The following IPO9 variants were observed in gnomAD, a reference collection of about 807,000 sequenced individuals.
IPO9 encodes the protein importin 9, also known as importin-9.
IPO9 carries 28 observed loss-of-function variants against 128.6 expected under a neutral mutation model. The ratio of observed to expected loss-of-function variants is 0.22; its 90% CI spans 0.16 to 0.30. The LOEUF is 0.30. IPO9 is among the 10% of genes least tolerant of loss of function. The pLI, the probability that IPO9 is intolerant of heterozygous loss-of-function variation, is 1.00. For synonymous variants in IPO9, 455 were observed against 475.8 expected (o/e 0.96, Z 0.57); for missense variants, 935 against 1,293.9 (o/e 0.72, Z 4.26).
intron 16 of IPO9, 35 bp from the exon 17 acceptor site, chr1:201,869,555 G>A: frequency 1.2e-6 from 2 of 1,610,998 alleles, no homozygotes; most frequent in Non-Finnish European, 1.7e-6. Flanking sequence ...CACCCCAGAG[G>A]CAATTCTGAC....
At chr1:201,874,439 T>C (rs1385829356) in intron 21 of IPO9, 67 bp downstream of exon 21, 3 of 1,550,850 alleles carry the variant, frequency 1.9e-6, no homozygotes, top group Non-Finnish European at 2.6e-6. Context: ...TGTCAAATTA[T>C]CAACTTGGTT....
intron 11 of IPO9, 148 bp downstream of exon 11, chr1:201,857,342 T>C: frequency 1.6e-6 from 1 of 614,656 alleles, no homozygotes; most frequent in Non-Finnish European, 2.9e-6. Context: ...GTTTCTGAAA[T>C]GAAATTCGAG....
In IPO9 at chr1:201,870,711, C is replaced by T. The variant is rs370527102; in HGVS notation, c.2262C>T (p.Arg754=). Residue 754 remains arginine (R), a synonymous_variant, in exon 18 of 24, where the codon CGC becomes CGT. Transcript: ENST00000361565. The surrounding 1 kb of genome is among the most constrained non-coding windows in gnomAD (Gnocchi z 4.9). ...MQVVSQLLDP[R]TSEFTAAFVG... ...TGGTGAGCCAGCTCCTGGACCCCCG[C>T]ACCTCAGAGTTCACTGCGGCCTTTG... 5 of 1,614,244 alleles carry T rather than the reference C, an allele frequency of 3.1e-6. No homozygotes were observed. Among genetic ancestry groups the T allele is most frequent in the South Asian group, 2.2e-5 (2 of 91,090 alleles).
intron 14 of IPO9, among the ~76,000 whole-genome samples, chr1:201,863,950 G>T (rs1258175185): frequency 6.6e-6 from 1 of 152,226 alleles, no homozygotes; most frequent in Non-Finnish European, 1.5e-5. Context: ...CAGGATTAGA[G>T]TCCACATCAT....
rs1275079280 is a variant in IPO9 at position 201,882,454 on chromosome 1, AAAAAC to A, written c.*6403_*6407del. ...CTCAAAAAAAAAAAAAAACAAAAAAAAAAACAAGTTTTGTGAATTTAAGTTTCCCT... is the reference window on the plus strand; with the variant it reads ...CTCAAAAAAAAAAAAAAACAAAAAAAAAGTTTTGTGAATTTAAGTTTCCCT... On this transcript the variant is annotated 3_prime_UTR_variant, in exon 24 of 24. Transcript: ENST00000361565. 2.0e-5 allele frequency: 3 copies of A among 150,394 alleles called. No individual in the cohort carries two copies. The highest frequency in any genetic ancestry group is 7.5e-5 in the African/African-American group (3 of 39,974). 9.3% of individuals were successfully genotyped at this position (150,394 alleles called of 1,614,324 possible).
intron 1 of IPO9, among the ~76,000 whole-genome samples, chr1:201,839,655 C>T (rs1680001128): frequency 6.7e-6 from 1 of 150,278 alleles, no homozygotes; most frequent in Admixed American, 6.6e-5. Flanking sequence ...AAAATAAACT[C>T]TAAAATGATT....
rs770997912 is a variant in IPO9 at position 201,855,791 on chromosome 1, C to T, written c.979C>T (p.Leu327=). Residue 327 remains leucine, a synonymous_variant, in exon 10 of 24, where the codon CTG becomes TTG. Transcript: ENST00000361565. ...EDPVDSDGEV[L]GFENLVFSIF... is the part of the protein sequence containing the mutation. ...TTCTGTATTTCCTGCAGGTGAAGTC[C>T]TGGGCTTTGAAAATCTCGTCTTTAG... 2.5e-6 allele frequency: 4 copies of T among 1,609,908 alleles called. No homozygotes were observed. The highest frequency in any genetic ancestry group is 2.2e-5 in the East Asian group (1 of 44,812).
rs1373607113 is a variant in IPO9, at chr1:201,883,473, A to G, written c.*7419A>G. On this transcript the variant is annotated 3_prime_UTR_variant, in exon 24 of 24. Transcript: ENST00000361565. ...TGGAGATGATAGAACTTCCTAGGGAAAAGGCTGCATGGAGTCCCCAGGGAT... is the reference window on the plus strand; with the variant it reads ...TGGAGATGATAGAACTTCCTAGGGAGAAGGCTGCATGGAGTCCCCAGGGAT... 1.3e-5 allele frequency: 2 copies of G among 152,214 alleles called. No individual in the cohort carries two copies. The highest frequency in any genetic ancestry group is 4.8e-5 in the African/African-American group (2 of 41,444). The allele number at this position is 152,214 out of a possible 1,614,324, so 9.4% of individuals were successfully genotyped here.
chr1:201,854,645 C>A lies in IPO9; in HGVS notation c.741C>A (p.Ala247=). The part of the protein sequence containing the change: ...IFPVVQQFTE[A]FVQALQIPDG... ...CCGTGGTACAGCAGTTCACAGAGGC[C>A]TTTGTTCAGGCCCTCCAGATACCAG... is the stretch of plus-strand genomic sequence containing the variant. Residue 247 remains alanine, a synonymous_variant, in exon 7 of 24, where the codon GCC becomes GCA. Transcript: ENST00000361565. 6.2e-7 allele frequency: 1 copy of A among 1,614,172 alleles called. No homozygotes were observed. Among genetic ancestry groups the A allele is most frequent in the South Asian group, 1.1e-5 (1 of 91,088 alleles).
chr1:201,852,546 C>A (rs1474912001), intron 5 of IPO9, among the ~76,000 whole-genome samples: 1 of 152,138 alleles, frequency 6.6e-6, no homozygotes, highest in Non-Finnish European at 1.5e-5. Context: ...TCTATCACTG[C>A]ATTGCACATA....
At chr1:201,834,896 C>T (rs1001363220) in intron 1 of IPO9, 2 of 152,366 alleles carry the variant, frequency 1.3e-5, no homozygotes, top group Non-Finnish European at 2.9e-5. Context: ...AGAGATGATC[C>T]TGCTGGCTGG....
At position 201,850,142 on chromosome 1, in the gene IPO9, G is replaced by C. The variant is rs578052285; in HGVS notation, c.514+1548G>C. Among the ~76,000 whole-genome samples, 11 of 152,324 alleles carry C rather than the reference G, an allele frequency of 7.2e-5. No homozygotes were observed. In the South Asian group the frequency reaches 2.3e-3, roughly 32 times the overall value. On this transcript the variant is annotated intron_variant, in intron 4 of 23. Transcript: ENST00000361565. ...GACTAAGGAAATTACTGTTCAGTGA[G>C]ATCACTTTTCTGCCAGCCACAGGGA...
In IPO9 at chr1:201,854,939, A is replaced by G. The variant is rs1206906483; in HGVS notation, c.911+16A>G. 3 of 1,567,988 alleles carry G rather than the reference A, an allele frequency of 1.9e-6. No homozygotes were observed. Among genetic ancestry groups the G allele is most frequent in the Non-Finnish European group, 2.6e-6 (3 of 1,158,048 alleles). On this transcript the variant is annotated intron_variant, in intron 8 of 23. Coordinates refer to ENST00000361565, the MANE Select transcript of IPO9 (RefSeq NM_018085.5). ...GTGCAGCTTTATATCCTTTCTTGAA[A>G]GTTTAAGGGAGCTACTACCACCTAT...
At chr1:201,839,560 CAA>C (rs4025036) in intron 1 of IPO9, among the ~76,000 whole-genome samples, 792 of 33,772 alleles carry the variant, frequency 0.023, 2 homozygotes, top group Non-Finnish European at 0.037. Flanking sequence ...GACTCCATCT[CAA>C]AAAAAAAAAA....
chr1:201,854,521 C>G (rs1680292372), intron 6 of IPO9, 74 bp from the exon 7 acceptor site: 5 of 1,556,584 alleles, frequency 3.2e-6, no homozygotes, highest in Non-Finnish European at 4.4e-6. Context: ...TTTCAAATAT[C>G]AGTGTTTGAT....
At position 201,852,159 on chromosome 1, in the gene IPO9, C is replaced by T. The variant is rs780473166; in HGVS notation, c.570C>T (p.Leu190=). 2.5e-6 allele frequency: 4 copies of T among 1,612,608 alleles called. No individual in the cohort carries two copies. In the South Asian group the frequency reaches 4.4e-5, roughly 18 times the overall value. Residue 190 remains leucine (L), a synonymous_variant, in exon 5 of 24, where the codon CTC becomes CTT. Transcript: ENST00000361565. ...TQMPLVAPVI[L]PEMYKIFTMA... is the part of the protein sequence containing the mutation. The stretch of plus-strand genomic sequence containing the variant: ...TGCCACTTGTTGCTCCTGTCATTCT[C>T]CCAGAGATGTATAAGATCTTCACCA...
At chr1:201,846,916 A>G (rs566121523) in intron 1 of IPO9, among the ~76,000 whole-genome samples, 1 of 151,980 alleles carries the variant, frequency 6.6e-6, no homozygotes, top group East Asian at 1.9e-4. Context: ...TGATCCACCC[A>G]CCTCGACCTC....
intron 14 of IPO9, among the ~76,000 whole-genome samples, chr1:201,864,500 G>A (rs1680513851): frequency 6.6e-6 from 1 of 152,200 alleles, no homozygotes; most frequent in South Asian, 2.1e-4. Context: ...GTTATTTTAA[G>A]GGTTTTTCTG....
intron 14 of IPO9, 55 bp from the exon 15 acceptor site, chr1:201,866,678 G>A: frequency 7.4e-7 from 1 of 1,356,216 alleles, no homozygotes; most frequent in South Asian, 1.2e-5. Flanking sequence ...GATTGATTGG[G>A]AAAACCAGGA....
Sources: gnomAD v4.1 joint callset for allele counts (sites outside exome capture counted in the v4.1 genomes callset) on GRCh38, gnomAD v4.1.1 for gene constraint, Gnocchi (gnomAD v3.1) non-coding constraint, MANE v1.5 for transcripts, NCBI Gene and HGNC (gene_info 2026-07-23, HGNC 2026-07-21) for gene names.